Variants in MARCHF3 observed in about 807,000 individuals in gnomAD.
MARCHF3 encodes E3 ubiquitin-protein ligase MARCHF3.
A neutral mutation model predicts 24.2 loss-of-function variants in MARCHF3; 13 were observed. That is an observed-to-expected ratio of 0.54 (90% CI 0.35 to 0.85). The LOEUF (loss-of-function observed/expected upper bound fraction) is 0.85. MARCHF3 is among the 40% of genes least tolerant of loss of function. The probability of loss-of-function intolerance (pLI) is 0.01; values close to 1 mark genes in which losing one functional copy is unlikely to be tolerated. For synonymous variants in MARCHF3, 144 were observed against 137.3 expected, an observed-to-expected ratio of 1.05 and a Z score of -0.34; for missense variants, 276 against 325.0, an observed-to-expected ratio of 0.85 and a Z score of 1.16.
intron 3 of MARCHF3, chr5:126,898,951 A>C (rs1483830757): frequency 5.1e-6 from 5 of 984,782 alleles, no homozygotes; most frequent in Non-Finnish European, 6.0e-6. Context: ...TCTAAGAATT[A>C]AACTTTTTTT....
intron 3 of MARCHF3, among the ~76,000 whole-genome samples, chr5:126,912,661 G>A (rs1031416122): frequency 9.2e-5 from 14 of 152,170 alleles, no homozygotes; most frequent in Non-Finnish European, 1.6e-4. Flanking sequence ...CTGATAAGAG[G>A]GGAAAAGTCA....
At chr5:126,917,932 A>G in intron 2 of MARCHF3, 52 bp downstream of exon 2, 12 of 1,569,060 alleles carry the variant, frequency 7.6e-6, no homozygotes, top group Non-Finnish European at 1.0e-5. Context: ...TCCATCTGAC[A>G]AAGAGTTCTC....
intron 4 of MARCHF3, 33 bp from the exon 5 acceptor site, chr5:126,870,824 A>G (rs965844936): frequency 2.5e-6 from 4 of 1,611,596 alleles, no homozygotes; most frequent in Non-Finnish European, 3.4e-6. Flanking sequence ...AAGAGAAAAG[A>G]ATTCAGGTCA....
intron 1 of MARCHF3, among the ~76,000 whole-genome samples, chr5:126,942,934 A>G (rs756586202): frequency 1.3e-5 from 2 of 152,240 alleles, no homozygotes; most frequent in Non-Finnish European, 2.9e-5. Context: ...CCAATAAAGG[A>G]TGCTAAAATT....
intron 1 of MARCHF3, among the ~76,000 whole-genome samples, chr5:126,949,845 C>T (rs1259293093): frequency 6.6e-6 from 1 of 152,236 alleles, no homozygotes; most frequent in African/African-American, 2.4e-5. Flanking sequence ...ACATCAATGA[C>T]CAAAAAATAA....
intron 3 of MARCHF3, among the ~76,000 whole-genome samples, chr5:126,908,513 C>G (rs1372731558): frequency 6.6e-6 from 1 of 152,060 alleles, no homozygotes; most frequent in African/African-American, 2.4e-5. Flanking sequence ...GGAGGCTTTG[C>G]TCGTTTCTTT....
chr5:126,904,384 G>A (rs1387301968), intron 3 of MARCHF3, among the ~76,000 whole-genome samples: 7 of 149,366 alleles, frequency 4.7e-5, no homozygotes, highest in East Asian at 2.0e-4. Context: ...CTGAGGAATC[G>A]CCACACTGAC....
chr5:126,915,015 T>A lies in MARCHF3; in HGVS notation c.308A>T (p.His103Leu). Residue 103 changes from histidine to leucine, a missense_variant, in exon 3 of 5, where the codon CAC becomes CTC. Physicochemically the swap from His to Leu is moderately conservative, Grantham distance 99. Transcript: ENST00000308660. ...GCTGGTGTTTGAGGATGACAGCCAG[T>A]GCTCCAGGCAGCTCCGATGAATTGT... Reference protein sequence around the residue: ...LGTIHRSCLEHWLSSSNTSYC... With the variant: ...LGTIHRSCLELWLSSSNTSYC... The A allele has an allele frequency of 6.2e-7, 1 of 1,614,168 alleles. No homozygotes were observed. The highest frequency in any genetic ancestry group is 1.1e-5 in the South Asian group (1 of 91,076).
chr5:126,915,260 A>C, intron 2 of MARCHF3, 126 bp from the exon 3 acceptor site: 1 of 861,984 alleles, frequency 1.2e-6, no homozygotes, highest in Non-Finnish European at 1.8e-6. Context: ...TTAGATCTAC[A>C]CTTGACCTTG....
At chr5:126,879,094 A>C (rs1398755223) in intron 3 of MARCHF3, among the ~76,000 whole-genome samples, 1 of 152,214 alleles carries the variant, frequency 6.6e-6, no homozygotes, top group Non-Finnish European at 1.5e-5. Flanking sequence ...ACTAAAGCTC[A>C]GGTGAGCTTC....
At chr5:126,976,439 G>A (rs1751197513) in intron 1 of MARCHF3, among the ~76,000 whole-genome samples, 1 of 152,164 alleles carries the variant, frequency 6.6e-6, no homozygotes, top group Non-Finnish European at 1.5e-5. Context: ...TGGTCTCCAG[G>A]TTCATTGCCT....
At position 126,868,853 on chromosome 5, in the gene MARCHF3, G is replaced by T. The variant is rs1203668254; in HGVS notation, c.*1780C>A. 2.0e-5 allele frequency: 3 copies of T among 152,388 alleles called. No individual in the cohort carries two copies. The highest frequency in any genetic ancestry group is 6.5e-5 in the Admixed American group (1 of 15,306). The allele number at this position is 152,388 out of a possible 1,614,324, so 9.4% of individuals were successfully genotyped here. A position where few individuals can be genotyped will look rare whatever the true frequency, so the allele number is the denominator to read the frequency against. On this transcript the variant is annotated 3_prime_UTR_variant, in exon 5 of 5. Coordinates refer to ENST00000308660, the MANE Select transcript of MARCHF3 (RefSeq NM_178450.5). Reference sequence around the variant, plus strand: ...AGCTGCGTGCAGCCGGTGATGTCCAGCATTTTAAAAAGGTCAATTAAGAAA... The same window carrying T: ...AGCTGCGTGCAGCCGGTGATGTCCATCATTTTAAAAAGGTCAATTAAGAAA...
intron 1 of MARCHF3, among the ~76,000 whole-genome samples, chr5:126,943,360 T>C (rs185105272): frequency 6.6e-6 from 1 of 152,160 alleles, no homozygotes; most frequent in East Asian, 1.9e-4. Context: ...GGAGGATTGT[T>C]TGAGCCCAGG....
intron 1 of MARCHF3, among the ~76,000 whole-genome samples, chr5:126,934,206 T>C (rs1749565357): frequency 6.6e-6 from 1 of 152,182 alleles, no homozygotes; most frequent in Non-Finnish European, 1.5e-5. Flanking sequence ...ACAATATTAT[T>C]AGGACCCATT....
intron 1 of MARCHF3, among the ~76,000 whole-genome samples, chr5:127,022,269 T>C (rs1041012110): frequency 6.6e-6 from 1 of 152,226 alleles, no homozygotes; most frequent in Admixed American, 6.5e-5. Flanking sequence ...GCAAGTCCTT[T>C]GAGAATGGTC....
At chr5:126,958,324 A>G (rs1241942913) in intron 1 of MARCHF3, among the ~76,000 whole-genome samples, 1 of 152,140 alleles carries the variant, frequency 6.6e-6, no homozygotes, top group Non-Finnish European at 1.5e-5. Flanking sequence ...CCAGTTTACC[A>G]TTAACCGTCC....
intron 3 of MARCHF3, among the ~76,000 whole-genome samples, chr5:126,903,593 A>AT (rs1754178772): frequency 6.6e-6 from 1 of 152,056 alleles, no homozygotes; most frequent in Admixed American, 6.6e-5. Context: ...CAAATCCATT[A>AT]TAATAACAGT....
chr5:126,975,788 A>C (rs573708611), intron 1 of MARCHF3, among the ~76,000 whole-genome samples: 1 of 152,258 alleles, frequency 6.6e-6, no homozygotes, highest in Non-Finnish European at 1.5e-5. Flanking sequence ...CTGGCTAAAA[A>C]TCATGATGAT....
At chr5:126,897,108 C>G (rs369929703) in intron 3 of MARCHF3, among the ~76,000 whole-genome samples, 1 of 137,582 alleles carries the variant, frequency 7.3e-6, no homozygotes, top group Non-Finnish European at 1.5e-5. Context: ...GGCACAATCT[C>G]GGCTCACTGC....
Sources: allele counts gnomAD v4.1 joint callset (sites outside exome capture counted in the v4.1 genomes callset), GRCh38; gene constraint gnomAD v4.1.1; transcripts MANE v1.5; gene names NCBI Gene and HGNC (gene_info 2026-07-23, HGNC 2026-07-21).